ATXN1: variants seen among roughly 807,000 people sequenced by gnomAD.
ATXN1 encodes the protein ataxin-1.
In ATXN1, 8 loss-of-function variants were observed where a neutral mutation model predicts 56.4. That is an observed-to-expected ratio of 0.14 (90% confidence interval 0.08 to 0.26). ATXN1 has a LOEUF of 0.26. ATXN1 is among the 10% of genes least tolerant of loss of function. The pLI is 1.00. For synonymous variants in ATXN1, 514 were observed against 494.6 expected (o/e 1.04, Z -0.52); for missense variants, 987 against 1,106.5 (o/e 0.89, Z 1.53).
At position 16,328,059 on chromosome 6, in the gene ATXN1, C is replaced by T; in HGVS notation, c.252G>A (p.Gly84=). The change falls in exon 7 of 8, where the codon GGG becomes GGA. Residue 84 remains glycine, a synonymous_variant. Transcript: ENST00000436367. This position sits in a 1 kb window ranked among gnomAD's most constrained non-coding sequence, Gnocchi z 6.2. ...GAGCGCTGGGCGGGGAGTAGTCCAG[C>T]CCTGTGGACAATGCTTTGTGTAAAC... ...GIGLHKALST[G]LDYSPPSAPR... is the part of the protein sequence containing the mutation. The T allele has an allele frequency of 6.2e-7, 1 of 1,613,378 alleles. No individual in the cohort carries two copies.
At chr6:16,339,112 AG>A (rs936363248) in intron 6 of ATXN1, among the ~76,000 whole-genome samples, 1 of 152,158 alleles carries the variant, frequency 6.6e-6, no homozygotes, top group Non-Finnish European at 1.5e-5. Flanking sequence ...CACATCCCGC[AG>A]GGAAGGCTGC....
intron 2 of ATXN1, among the ~76,000 whole-genome samples, chr6:16,734,040 C>A (rs781644101): frequency 6.6e-6 from 1 of 152,022 alleles, no homozygotes; most frequent in Non-Finnish European, 1.5e-5. Flanking sequence ...TGCAGTGAGC[C>A]AAGATCTCAC....
At position 16,728,543 on chromosome 6, in the gene ATXN1, C is replaced by T. The variant is rs192766066; in HGVS notation, c.-615+24690G>A. On this transcript the variant is annotated intron_variant, in intron 2 of 7. Transcript: ENST00000436367. ...TCACCAACTCCACTACACGCCATCA[C>T]CCATATGCCTGGTATTTTGCCCTAA... Among the ~76,000 whole-genome samples the T allele has an allele frequency of 1.6e-4, 25 of 152,312 alleles. 1 individual carries two copies. In the East Asian group the frequency reaches 4.4e-3, roughly 27 times the overall value.
At chr6:16,448,277 C>T (rs1460037391) in intron 6 of ATXN1, among the ~76,000 whole-genome samples, 1 of 152,170 alleles carries the variant, frequency 6.6e-6, no homozygotes, top group African/African-American at 2.4e-5. Flanking sequence ...AATGAGTTCT[C>T]TTCATTCAGG....
rs182005828 is a variant in ATXN1 at position 16,556,145 on chromosome 6, T to C, written c.-361+29635A>G. Among the ~76,000 whole-genome samples the C allele has an allele frequency of 2.3e-3, 356 of 152,342 alleles. 1 individual carries two copies. The highest frequency in any genetic ancestry group is 7.8e-3 in the African/African-American group (325 of 41,566). Reference sequence around the variant, plus strand: ...ATATTTCACTATTTTCTTGCAAGCCTTTTCGGAGACTCTTTATCATTTTGG... The same window carrying C: ...ATATTTCACTATTTTCTTGCAAGCCCTTTCGGAGACTCTTTATCATTTTGG... On this transcript the variant is annotated intron_variant, in intron 4 of 7. Coordinates refer to ENST00000436367, the MANE Select transcript of ATXN1 (RefSeq NM_001128164.2).
chr6:16,578,139 T>C (rs1561763726), intron 4 of ATXN1, among the ~76,000 whole-genome samples: 2 of 152,250 alleles, frequency 1.3e-5, no homozygotes, highest in South Asian at 4.1e-4. Flanking sequence ...TATGTGCTTC[T>C]AAATGAAACT....
chr6:16,406,727 G>GT lies in ATXN1; in HGVS notation c.-160-78258dup, dbSNP rs1306336743. 5.3e-5 allele frequency among the ~76,000 whole-genome samples: 8 copies of GT among 152,264 alleles called. No individual in the cohort carries two copies. The East Asian group carries it at 1.3e-3, about 26-fold the overall frequency. On this transcript the variant is annotated intron_variant, in intron 6 of 7. Transcript: ENST00000436367. ...GCCTGTTCCTCTTCCTTATTTGAAG[G>GT]TTTTTTACCTTTCTCAGCATTTCAC...
chr6:16,551,237 C>T (rs770271434), intron 4 of ATXN1, among the ~76,000 whole-genome samples: 2 of 152,150 alleles, frequency 1.3e-5, no homozygotes, highest in Non-Finnish European at 2.9e-5. Flanking sequence ...AGACGGGCTC[C>T]CATATCCCTT....
At chr6:16,549,035 T>C (rs1208906916) in intron 4 of ATXN1, among the ~76,000 whole-genome samples, 2 of 152,202 alleles carry the variant, frequency 1.3e-5, no homozygotes, top group Non-Finnish European at 2.9e-5. Flanking sequence ...CCTCCACATC[T>C]TGTCCCACTG....
intron 2 of ATXN1, among the ~76,000 whole-genome samples, chr6:16,679,962 A>T (rs1758780142): frequency 1.3e-5 from 2 of 152,210 alleles, no homozygotes; most frequent in Non-Finnish European, 2.9e-5. Context: ...AATTTCTTTT[A>T]AAGATAAATA....
chr6:16,661,206 A>G (rs1581341601), intron 2 of ATXN1, among the ~76,000 whole-genome samples: 2 of 152,276 alleles, frequency 1.3e-5, no homozygotes, highest in South Asian at 4.2e-4. Flanking sequence ...AGAGATTGCT[A>G]TCTTACACCA....
intron 2 of ATXN1, among the ~76,000 whole-genome samples, chr6:16,679,447 G>A (rs544289374): frequency 6.6e-6 from 1 of 152,178 alleles, no homozygotes; most frequent in Non-Finnish European, 1.5e-5. Context: ...AGGGAGAAAG[G>A]GGGGACAGAA....
chr6:16,316,608 G>A (rs116527646), intron 7 of ATXN1, among the ~76,000 whole-genome samples: 3,373 of 152,110 alleles, frequency 0.022, 117 homozygotes, highest in African/African-American at 0.074. Flanking sequence ...TTAGCCAGGC[G>A]TGGGAGCAGG....
intron 6 of ATXN1, chr6:16,432,893 A>C (rs1759314757): frequency 6.6e-6 from 1 of 152,168 alleles, no homozygotes; most frequent in South Asian, 2.1e-4. Flanking sequence ...TCTCAAAACT[A>C]ATGTTTTAAA....
chr6:16,677,295 T>C (rs746096101), intron 2 of ATXN1, among the ~76,000 whole-genome samples: 4 of 152,184 alleles, frequency 2.6e-5, no homozygotes, highest in Non-Finnish European at 2.9e-5. Context: ...GAGTCTTCTA[T>C]TTTTTGATTC....
intron 6 of ATXN1, among the ~76,000 whole-genome samples, chr6:16,473,111 T>A (rs1161333518): frequency 6.6e-6 from 1 of 152,206 alleles, no homozygotes; most frequent in Non-Finnish European, 1.5e-5. Context: ...CTCTTCTGTA[T>A]GTTCTTTTTT....
At chr6:16,725,137 G>A (rs1179797732) in intron 2 of ATXN1, among the ~76,000 whole-genome samples, 2 of 152,144 alleles carry the variant, frequency 1.3e-5, no homozygotes, top group Non-Finnish European at 2.9e-5. Context: ...ATGATCCCTT[G>A]GAAAATTAAA....
At chr6:16,643,883 A>C (rs888478661) in intron 3 of ATXN1, among the ~76,000 whole-genome samples, 3 of 152,196 alleles carry the variant, frequency 2.0e-5, no homozygotes, top group African/African-American at 7.2e-5. Flanking sequence ...CAGTTTCTGA[A>C]ATTAGAATGA....
At chr6:16,479,365 C>T (rs1760390576) in intron 6 of ATXN1, among the ~76,000 whole-genome samples, 2 of 152,180 alleles carry the variant, frequency 1.3e-5, no homozygotes, top group South Asian at 4.1e-4. Context: ...TTAACATAAT[C>T]TTCAGGATTT....
Sources: gnomAD v4.1 joint callset for allele counts (sites outside exome capture counted in the v4.1 genomes callset) on GRCh38, gnomAD v4.1.1 for gene constraint, Gnocchi (gnomAD v3.1) non-coding constraint, MANE v1.5 for transcripts, NCBI Gene and HGNC (gene_info 2026-07-23, HGNC 2026-07-21) for gene names.